Variants in ATP2B2 observed in about 807,000 individuals in gnomAD.
ATP2B2 encodes the protein plasma membrane calcium-transporting ATPase 2.
In ATP2B2, 15 loss-of-function variants were observed where a neutral mutation model predicts 120.0. The observed-to-expected ratio is 0.12, with a 90% confidence interval of 0.08 to 0.19. ATP2B2 has a LOEUF of 0.19. Among genes scored for constraint, ATP2B2 ranks in the 10% least tolerant of loss-of-function variants. The pLI is 1.00. For synonymous variants in ATP2B2, 694 were observed against 700.3 expected (o/e 0.99, Z 0.14); for missense variants, 1,045 against 1,719.8 (o/e 0.61, Z 6.94).
At chr3:10,538,562 T>C (rs1245402921) in intron 2 of ATP2B2, among the ~76,000 whole-genome samples, 1 of 152,100 alleles carries the variant, frequency 6.6e-6, no homozygotes, top group Non-Finnish European at 1.5e-5. Flanking sequence ...GGATGCAAGG[T>C]TGGTTCAACA....
At chr3:10,421,450 T>C (rs1414270529) in intron 2 of ATP2B2, among the ~76,000 whole-genome samples, 1 of 152,210 alleles carries the variant, frequency 6.6e-6, no homozygotes, top group Non-Finnish European at 1.5e-5. Context: ...AGACCCAGAC[T>C]TGAGTCCCCA....
At chr3:10,411,534 G>A (rs34909) in intron 2 of ATP2B2, among the ~76,000 whole-genome samples, 40,763 of 152,126 alleles carry the variant, frequency 0.27, 6,212 homozygotes, top group East Asian at 0.66. Flanking sequence ...GCCACTGCCT[G>A]GATTAAAATC....
intron 2 of ATP2B2, among the ~76,000 whole-genome samples, chr3:10,578,942 C>G (rs2068319209): frequency 6.6e-6 from 1 of 152,202 alleles, no homozygotes; most frequent in Non-Finnish European, 1.5e-5. Flanking sequence ...CGGTGGCCTC[C>G]TGGGGAGGTG....
intron 3 of ATP2B2, among the ~76,000 whole-genome samples, chr3:10,528,469 C>A (rs1305993081): frequency 1.3e-5 from 2 of 152,196 alleles, no homozygotes; most frequent in African/African-American, 4.8e-5. Flanking sequence ...TGCCTGATCA[C>A]TTTCTCTTCA....
chr3:10,444,769 C>T (rs947212061), intron 2 of ATP2B2, among the ~76,000 whole-genome samples: 5 of 152,244 alleles, frequency 3.3e-5, no homozygotes. Flanking sequence ...ACGCTGGGCT[C>T]AGGGAACTGG....
At chr3:10,362,234 A>C (rs1301015193) in intron 12 of ATP2B2, among the ~76,000 whole-genome samples, 5 of 152,244 alleles carry the variant, frequency 3.3e-5, no homozygotes, top group Admixed American at 6.5e-5. Context: ...CATATTACCC[A>C]AAAGAGCAGC....
chr3:10,399,304 C>T (rs1035193214), intron 5 of ATP2B2, among the ~76,000 whole-genome samples: 6 of 152,230 alleles, frequency 3.9e-5, no homozygotes, highest in African/African-American at 9.6e-5. Flanking sequence ...GGGCATTCCA[C>T]GGTCTCTCAG....
intron 1 of ATP2B2, among the ~76,000 whole-genome samples, chr3:10,641,722 G>A (rs2070176666): frequency 6.6e-6 from 1 of 152,294 alleles, no homozygotes; most frequent in African/African-American, 2.4e-5. Context: ...GTGAAAGGAA[G>A]GAGTTCTGAG....
chr3:10,456,848 G>A (rs1010975625), intron 1 of ATP2B2, among the ~76,000 whole-genome samples: 1 of 152,240 alleles, frequency 6.6e-6, no homozygotes, highest in Non-Finnish European at 1.5e-5. Context: ...TGGCCTTTCT[G>A]TAGGGGGCCC....
intron 1 of ATP2B2, among the ~76,000 whole-genome samples, chr3:10,485,263 C>T (rs910648254): frequency 4.6e-5 from 7 of 152,200 alleles, no homozygotes; most frequent in African/African-American, 7.2e-5. Context: ...GAAGTCCTGT[C>T]GGGAAGGTTT....
At chr3:10,360,840 C>A (rs1442980240) in intron 12 of ATP2B2, among the ~76,000 whole-genome samples, 2 of 152,162 alleles carry the variant, frequency 1.3e-5, no homozygotes, top group African/African-American at 4.8e-5. Context: ...ATGTGGCCAC[C>A]ACCACTGTCA....
Position 10,343,267 on chromosome 3 carries a change from C to T in ATP2B2, c.2704-302G>A, listed in dbSNP as rs923024409. Among the ~76,000 whole-genome samples, 1 of 152,116 alleles carries T rather than the reference C, an allele frequency of 6.6e-6. No individual in the cohort carries two copies. The highest frequency in any genetic ancestry group is 1.5e-5 in the Non-Finnish European group (1 of 68,002). Reference sequence around the variant, plus strand: ...TCTCACCATCTTCCCCTCTCCCCTCCAGCCCCCGAGGAGGGGGTCTCTCCT... The same window carrying T: ...TCTCACCATCTTCCCCTCTCCCCTCTAGCCCCCGAGGAGGGGGTCTCTCCT... On this transcript the variant is annotated intron_variant, in intron 18 of 22. Transcript: ENST00000360273. The surrounding 1 kb of genome is among the most constrained non-coding windows in gnomAD (Gnocchi z 4.2).
intron 5 of ATP2B2, among the ~76,000 whole-genome samples, chr3:10,393,873 C>T (rs1235003682): frequency 6.6e-6 from 1 of 152,146 alleles, no homozygotes; most frequent in East Asian, 1.9e-4. Flanking sequence ...TTGGGCCTGT[C>T]CTGAACAGCA....
intron 2 of ATP2B2, among the ~76,000 whole-genome samples, chr3:10,617,297 T>C (rs1190140159): frequency 6.6e-6 from 1 of 152,236 alleles, no homozygotes; most frequent in African/African-American, 2.4e-5. Context: ...CTCAGGGGTA[T>C]AACAATGTCT....
At chr3:10,510,156 A>G (rs1221201376), upstream of ATP2B2, among the ~76,000 whole-genome samples, 2 of 152,026 alleles carry the variant, frequency 1.3e-5, no homozygotes, top group Non-Finnish European at 2.9e-5. Flanking sequence ...CAGGTCACCA[A>G]TTCTCCCCTC....
At chr3:10,392,629 C>G (rs2061891915) in intron 5 of ATP2B2, among the ~76,000 whole-genome samples, 1 of 152,248 alleles carries the variant, frequency 6.6e-6, no homozygotes, top group Non-Finnish European at 1.5e-5. Context: ...TCCACAGTCC[C>G]TTGGGCAGCA....
intron 12 of ATP2B2, among the ~76,000 whole-genome samples, chr3:10,365,548 G>A (rs1165737799): frequency 6.6e-6 from 1 of 152,096 alleles, no homozygotes; most frequent in Non-Finnish European, 1.5e-5. Context: ...TGCACTCCGG[G>A]AGAGTAGACC....
rs2060255493 is a variant in ATP2B2, at chr3:10,340,871, G to C, written c.2918-167C>G. Among the ~76,000 whole-genome samples the C allele has an allele frequency of 6.6e-6, 1 of 152,162 alleles. No homozygotes were observed. Among genetic ancestry groups the C allele is most frequent in the South Asian group, 2.1e-4 (1 of 4,824 alleles). Reference sequence around the variant, plus strand: ...AGGGCTGTGCTGTCAGCTGGTCAGAGACTAGGACTGAAGGGTCAGCAAAGC... The same window carrying C: ...AGGGCTGTGCTGTCAGCTGGTCAGACACTAGGACTGAAGGGTCAGCAAAGC... On this transcript the variant is annotated intron_variant, in intron 19 of 22. Transcript: ENST00000360273. This position sits in a 1 kb window ranked among gnomAD's most constrained non-coding sequence, Gnocchi z 5.0.
intron 2 of ATP2B2, among the ~76,000 whole-genome samples, chr3:10,569,505 TTTC>T (rs1249711946): frequency 2.6e-5 from 4 of 152,222 alleles, no homozygotes; most frequent in South Asian, 2.1e-4. Context: ...CAGTATTTTT[TTTC>T]TTATTTTAGT....
Sources: allele counts gnomAD v4.1 joint callset (sites outside exome capture counted in the v4.1 genomes callset), GRCh38; gene constraint gnomAD v4.1.1; non-coding constraint Gnocchi (gnomAD v3.1); transcripts MANE v1.5; gene names NCBI Gene and HGNC (gene_info 2026-07-23, HGNC 2026-07-21).